PCGF5: variants seen among roughly 807,000 people sequenced by gnomAD.
The protein encoded by PCGF5 is polycomb group RING finger protein 5.
PCGF5 carries 9 observed loss-of-function variants against 44.3 expected under a neutral mutation model. The ratio of observed to expected loss-of-function variants is 0.20; its 90% CI spans 0.12 to 0.35. The LOEUF is 0.35. PCGF5 is among the 10% of genes least tolerant of loss of function. PCGF5 has a pLI of 1.00. For synonymous variants in PCGF5, 95 were observed against 102.5 expected, an observed-to-expected ratio of 0.93 and a Z score of 0.44; for missense variants, 146 against 305.3, an observed-to-expected ratio of 0.48 and a Z score of 3.89.
intron 1 of PCGF5, among the ~76,000 whole-genome samples, chr10:91,199,446 C>T (rs1336153862): frequency 2.0e-4 from 30 of 152,200 alleles, no homozygotes; most frequent in Admixed American, 1.9e-3. Flanking sequence ...TCCCTCAGTC[C>T]TTGCATCCTT....
At chr10:91,181,626 T>C (rs1843820463) in intron 1 of PCGF5, among the ~76,000 whole-genome samples, 1 of 152,258 alleles carries the variant, frequency 6.6e-6, no homozygotes, top group African/African-American at 2.4e-5. Flanking sequence ...TTGTGGTTTT[T>C]GTCTTTAGTT....
chr10:91,235,429 A>C (rs1845133421), intron 2 of PCGF5, among the ~76,000 whole-genome samples: 1 of 152,174 alleles, frequency 6.6e-6, no homozygotes. Flanking sequence ...GTAAGTATAA[A>C]GGGCCAGGTG....
intron 1 of PCGF5, among the ~76,000 whole-genome samples, chr10:91,182,231 T>C (rs1843831969): frequency 1.3e-5 from 2 of 152,160 alleles, no homozygotes; most frequent in African/African-American, 4.8e-5. Flanking sequence ...TTGTACAATT[T>C]CAGAACTCGT....
intron 1 of PCGF5, among the ~76,000 whole-genome samples, chr10:91,165,166 T>C (rs59619411): frequency 0.095 from 14,452 of 152,270 alleles, 1,213 homozygotes; most frequent in African/African-American, 0.21. Flanking sequence ...TTTTGATTCA[T>C]TTTCTGCTCT....
At chr10:91,230,672 C>T (rs1844978051) in intron 2 of PCGF5, among the ~76,000 whole-genome samples, 1 of 152,122 alleles carries the variant, frequency 6.6e-6, no homozygotes, top group Non-Finnish European at 1.5e-5. Flanking sequence ...GTGGCAAGAT[C>T]TCGGCTCACT....
intron 7 of PCGF5, among the ~76,000 whole-genome samples, chr10:91,263,171 G>A (rs904636960): frequency 6.6e-6 from 1 of 152,156 alleles, no homozygotes; most frequent in African/African-American, 2.4e-5. Context: ...ATACCTGACA[G>A]CTGAAGCTTT....
chr10:91,201,401 G>C (rs911890351), intron 1 of PCGF5, among the ~76,000 whole-genome samples: 5 of 152,096 alleles, frequency 3.3e-5, no homozygotes, highest in African/African-American at 9.7e-5. Context: ...ACCTCTAAAT[G>C]CCATCAACGT....
intron 8 of PCGF5, among the ~76,000 whole-genome samples, chr10:91,269,736 C>T (rs1286603146): frequency 2.0e-5 from 3 of 151,994 alleles, no homozygotes. Context: ...AATGAGAGTG[C>T]CCATTTTCTG....
At chr10:91,175,517 A>G (rs1350172469) in intron 1 of PCGF5, among the ~76,000 whole-genome samples, 1 of 150,260 alleles carries the variant, frequency 6.7e-6, no homozygotes, top group African/African-American at 2.5e-5. Context: ...CAACAACCCT[A>G]TAACCTTCCT....
intron 1 of PCGF5, among the ~76,000 whole-genome samples, chr10:91,198,568 T>G (rs1389341828): frequency 6.6e-6 from 1 of 152,186 alleles, no homozygotes; most frequent in Non-Finnish European, 1.5e-5. Flanking sequence ...CATCACTGGC[T>G]TTCTCTCTAG....
chr10:91,282,494 T>G lies in PCGF5; in HGVS notation c.*4178T>G, dbSNP rs7075114. ...GCGAGTCTCCATCTCCAAAAAAAAT[T>G]CAACTCTTGGTCTTGTTTCTCAGCA... On this transcript the variant is annotated 3_prime_UTR_variant, in exon 10 of 10. Coordinates refer to ENST00000336126, the MANE Select transcript of PCGF5 (RefSeq NM_032373.5). The G allele has an allele frequency of 0.13, 19,897 of 152,532 alleles. 2,435 individuals are homozygous for G. The highest frequency in any genetic ancestry group is 0.32 in the African/African-American group (13,295 of 41,412). 9.4% of individuals were successfully genotyped at this position (152,532 alleles called of 1,614,324 possible). A position where few individuals can be genotyped will look rare whatever the true frequency, so the allele number is the denominator to read the frequency against.
upstream of PCGF5, among the ~76,000 whole-genome samples, chr10:91,219,258 G>A (rs560195579): frequency 3.9e-5 from 6 of 152,238 alleles, no homozygotes; most frequent in East Asian, 3.9e-4. Context: ...CTTCAAGCTC[G>A]TTTCCTTCAG....
At chr10:91,227,024 C>T (rs1844859058) in intron 2 of PCGF5, among the ~76,000 whole-genome samples, 1 of 151,918 alleles carries the variant, frequency 6.6e-6, no homozygotes, top group African/African-American at 2.4e-5. Flanking sequence ...GTTTACATGG[C>T]TGTGAGATAA....
chr10:91,219,145 T>C (rs1000311419), upstream of PCGF5, among the ~76,000 whole-genome samples: 3 of 152,096 alleles, frequency 2.0e-5, no homozygotes, highest in African/African-American at 7.2e-5. Context: ...TCATCCCAAG[T>C]CCATTCTGGC....
chr10:91,215,914 A>C (rs1844531298), upstream of PCGF5, among the ~76,000 whole-genome samples: 1 of 152,264 alleles, frequency 6.6e-6, no homozygotes, highest in Non-Finnish European at 1.5e-5. Context: ...TAATAATCCA[A>C]GAAGGCAGGG....
At chr10:91,158,487 C>A (rs1843345426), upstream of PCGF5, among the ~76,000 whole-genome samples, 1 of 152,126 alleles carries the variant, frequency 6.6e-6, no homozygotes, top group African/African-American at 2.4e-5. Context: ...TCAGTCAGTT[C>A]AACAACATGT....
Position 91,222,775 on chromosome 10 carries a change from C to G in PCGF5, c.-97C>G, listed in dbSNP as rs1352877337. 1.8e-5 allele frequency: 12 copies of G among 653,618 alleles called. No individual in the cohort carries two copies. The highest frequency in any genetic ancestry group is 2.8e-5 in the East Asian group (1 of 35,358). The allele number at this position is 653,618 out of a possible 1,614,324, so 40.5% of individuals were successfully genotyped here. ...GCTAGTTCTCATGCCTCAGGACATC[C>G]TACTGGGAACGACACACCAGCTCCT... On this transcript the variant is annotated 5_prime_UTR_variant, in exon 2 of 10. Coordinates refer to ENST00000336126, the MANE Select transcript of PCGF5 (RefSeq NM_032373.5).
At chr10:91,194,874 A>G (rs1014517227) in intron 1 of PCGF5, among the ~76,000 whole-genome samples, 1 of 152,220 alleles carries the variant, frequency 6.6e-6, no homozygotes, top group East Asian at 1.9e-4. Context: ...CCAAAAGTTG[A>G]TGATATAAGG....
In PCGF5 at chr10:91,229,861, A is replaced by G. The variant is rs539352215; in HGVS notation, c.112+6878A>G. On this transcript the variant is annotated intron_variant, in intron 2 of 9. Transcript: ENST00000336126. The stretch of plus-strand genomic sequence containing the variant: ...TATCATCTCAGTAGGTGCAAATATA[A>G]TGTTTTAAGATATACTAGAAATGAT... Among the ~76,000 whole-genome samples the G allele has an allele frequency of 7.2e-5, 11 of 152,306 alleles. No individual in the cohort carries two copies. In the South Asian group the frequency reaches 2.1e-3, roughly 29 times the overall value.
Sources: allele counts gnomAD v4.1 joint callset (sites outside exome capture counted in the v4.1 genomes callset), GRCh38; gene constraint gnomAD v4.1.1; transcripts MANE v1.5; gene names NCBI Gene and HGNC (gene_info 2026-07-23, HGNC 2026-07-21).